SSTR1: variants seen among roughly 807,000 people sequenced by gnomAD.
SSTR1 encodes the protein somatostatin receptor type 1.
In SSTR1, 10 loss-of-function variants were observed where a neutral mutation model predicts 20.7. That is an observed-to-expected ratio of 0.48 (90% CI 0.30 to 0.82). The LOEUF (loss-of-function observed/expected upper bound fraction) is 0.82, where lower values mean the gene tolerates loss of function less well. Ranked by LOEUF, SSTR1 falls within the 40% of genes least tolerant of loss-of-function variation. SSTR1 has a pLI of 0.07. For synonymous variants in SSTR1, 267 were observed against 227.8 expected, an observed-to-expected ratio of 1.17 and a Z score of -1.55; for missense variants, 494 against 540.0, an observed-to-expected ratio of 0.91 and a Z score of 0.84.
rs763266143 is a variant in SSTR1, at chr14:38,210,269, A to C, written c.880A>C (p.Asn294His). 3.7e-6 allele frequency: 6 copies of C among 1,614,146 alleles called. No individual in the cohort carries two copies. In the South Asian group the frequency reaches 5.5e-5, roughly 15 times the overall value. The change falls in exon 3 of 3, where the codon AAC (asparagine) becomes CAC (histidine). Residue 294 changes from asparagine to histidine, a missense_variant. By Grantham distance (68) the Asn-to-His change is moderately conservative. Around this residue, in one of 3 missense-constraint regions of SSTR1, gnomAD observed 280 missense variants for 286.1 expected, o/e 0.98. Coordinates refer to ENST00000267377, the MANE Select transcript of SSTR1 (RefSeq NM_001049.3). Reference protein sequence around the residue: ...WMPFYVVQLVNVFAEQDDATV... With the variant: ...WMPFYVVQLVHVFAEQDDATV... ...GCCTTTCTACGTGGTGCAGCTGGTC[A>C]ACGTGTTTGCTGAGCAGGACGACGC...
Position 38,209,764 on chromosome 14 carries a change from C to T in SSTR1, c.375C>T (p.Phe125=), listed in dbSNP as rs1340536524. The T allele has an allele frequency of 6.2e-7, 1 of 1,613,992 alleles. No individual in the cohort carries two copies. The highest frequency in any genetic ancestry group is 8.5e-7 in the Non-Finnish European group (1 of 1,180,030). ...VTSTLLRHWP[F]GALLCRLVLS... is the part of the protein sequence containing the mutation. The stretch of plus-strand genomic sequence containing the variant: ...CCACGTTGTTGCGCCACTGGCCCTT[C>T]GGTGCGCTGCTCTGCCGCCTCGTGC... The change falls in exon 3 of 3, where the codon TTC becomes TTT. Residue 125 remains phenylalanine, a synonymous_variant. Coordinates refer to ENST00000267377, the MANE Select transcript of SSTR1 (RefSeq NM_001049.3).
chr14:38,212,543 T>C lies in SSTR1; in HGVS notation c.*1978T>C, dbSNP rs150535878. The C allele has an allele frequency of 1.8e-4, 30 of 167,184 alleles. No homozygotes were observed. Among genetic ancestry groups the C allele is most frequent in the African/African-American group, 6.0e-4 (25 of 41,576 alleles). 10.4% of individuals were successfully genotyped at this position (167,184 alleles called of 1,614,324 possible). A position where few individuals can be genotyped will look rare whatever the true frequency, so the allele number is the denominator to read the frequency against. On this transcript the variant is annotated 3_prime_UTR_variant, in exon 3 of 3. Coordinates refer to ENST00000267377, the MANE Select transcript of SSTR1 (RefSeq NM_001049.3). ...AATATTACCAACTACATTGGAAGCCTGAGCAGGGCGAGGACCAATAATTTT... is the reference window on the plus strand; with the variant it reads ...AATATTACCAACTACATTGGAAGCCCGAGCAGGGCGAGGACCAATAATTTT...
In SSTR1 at chr14:38,211,904, G is replaced by A. The variant is rs1883338131; in HGVS notation, c.*1339G>A. 1 of 167,056 alleles carries A rather than the reference G, an allele frequency of 6.0e-6. No homozygotes were observed. The highest frequency in any genetic ancestry group is 2.4e-5 in the African/African-American group (1 of 41,450). The allele number at this position is 167,056 out of a possible 1,614,324, so 10.3% of individuals were successfully genotyped here. A position where few individuals can be genotyped will look rare whatever the true frequency, so the allele number is the denominator to read the frequency against. ...CAGGTCTTTTCTTTGGGACCCTGGG[G>A]GCGGGCATGGAAGTGGAAGTAGGGG... On this transcript the variant is annotated 3_prime_UTR_variant, in exon 3 of 3. Coordinates refer to ENST00000267377, the MANE Select transcript of SSTR1 (RefSeq NM_001049.3).
Position 38,209,984 on chromosome 14 carries a change from G to A in SSTR1, c.595G>A (p.Ala199Thr), listed in dbSNP as rs1316365451. 1.2e-6 allele frequency: 2 copies of A among 1,614,110 alleles called. No homozygotes were observed. Among genetic ancestry groups the A allele is most frequent in the Non-Finnish European group, 1.7e-6 (2 of 1,180,054 alleles). ...GCCCATCGTGGTCTTCTCTCGCACC[G>A]CGGCCAACAGCGACGGCACGGTGGC... ...ILPIVVFSRT[A>T]ANSDGTVACN... Residue 199 changes from alanine (A) to threonine (T), a missense_variant, in exon 3 of 3, where the codon GCG (alanine) becomes ACG (threonine). By Grantham distance (58) the Ala-to-Thr change is moderately conservative. Around this residue, in one of 3 missense-constraint regions of SSTR1, gnomAD observed 280 missense variants for 286.1 expected, o/e 0.98. Coordinates refer to ENST00000267377, the MANE Select transcript of SSTR1 (RefSeq NM_001049.3).
chr14:38,209,929 CG>C lies in SSTR1; in HGVS notation c.541del (p.Val181CysfsTer91), dbSNP rs752296102. On this transcript the variant is annotated frameshift_variant, in exon 3 of 3. Transcript: ENST00000267377. LOFTEE classifies it high-confidence loss of function. Reference sequence around the variant, plus strand: ...CCGTGGCCAAGGTAGTAAACCTGGGCGTGTGGGTGCTATCGCTGCTCGTCAT... The same window carrying C: ...CCGTGGCCAAGGTAGTAAACCTGGGCTGTGGGTGCTATCGCTGCTCGTCAT... ...PTVAKVVNLG[V>X]WVLSLLVILP... is the part of the protein sequence containing the mutation. The C allele has an allele frequency of 2.5e-6, 4 of 1,613,814 alleles. No individual in the cohort carries two copies. The African/African-American group carries it at 5.3e-5, about 22-fold the overall frequency.
rs1359833386 is a variant in SSTR1, at chr14:38,210,736, A to T, written c.*171A>T. Reference sequence around the variant, plus strand: ...TGACAGCCTTTGATGGAGGAACCCAAGAAAGGCGCGCGACAATGGTAGAAG... The same window carrying T: ...TGACAGCCTTTGATGGAGGAACCCATGAAAGGCGCGCGACAATGGTAGAAG... On this transcript the variant is annotated 3_prime_UTR_variant, in exon 3 of 3. Coordinates refer to ENST00000267377, the MANE Select transcript of SSTR1 (RefSeq NM_001049.3). The T allele has an allele frequency of 1.1e-5, 16 of 1,414,792 alleles. No homozygotes were observed. Among genetic ancestry groups the T allele is most frequent in the Non-Finnish European group, 1.3e-5 (14 of 1,075,404 alleles). 87.6% of individuals were successfully genotyped at this position (1,414,792 alleles called of 1,614,324 possible). A position where few individuals can be genotyped will look rare whatever the true frequency, so the allele number is the denominator to read the frequency against.
At position 38,209,965 on chromosome 14, in the gene SSTR1, C is replaced by T; in HGVS notation, c.576C>T (p.Ile192=). ...WVLSLLVILP[I]VVFSRTAANS... is the part of the protein sequence containing the mutation. ...TATCGCTGCTCGTCATCCTGCCCAT[C>T]GTGGTCTTCTCTCGCACCGCGGCCA... The change falls in exon 3 of 3, where the codon ATC becomes ATT. Residue 192 remains isoleucine (I), a synonymous_variant. Transcript: ENST00000267377. 3 of 1,614,114 alleles carry T rather than the reference C, an allele frequency of 1.9e-6. No individual in the cohort carries two copies. Among genetic ancestry groups the T allele is most frequent in the Non-Finnish European group, 2.5e-6 (3 of 1,180,048 alleles).
At position 38,210,886 on chromosome 14, in the gene SSTR1, T is replaced by G; in HGVS notation, c.*321T>G. On this transcript the variant is annotated 3_prime_UTR_variant, in exon 3 of 3. Coordinates refer to ENST00000267377, the MANE Select transcript of SSTR1 (RefSeq NM_001049.3). ...CCTTCTATTTTCCCTACCCTGCAAC[T>G]TCTATCCTTTCTTCCGCACCGTCCC... 2.9e-6 allele frequency: 1 copy of G among 350,360 alleles called. No individual in the cohort carries two copies. The highest frequency in any genetic ancestry group is 5.4e-6 in the Non-Finnish European group (1 of 186,712). The allele number at this position is 350,360 out of a possible 1,614,324, so 21.7% of individuals were successfully genotyped here. A position where few individuals can be genotyped will look rare whatever the true frequency, so the allele number is the denominator to read the frequency against.
chr14:38,208,776 A>G (rs1475355685), intron 2 of SSTR1, among the ~76,000 whole-genome samples, 167 bp downstream of exon 2: 1 of 152,192 alleles, frequency 6.6e-6, no homozygotes. Context: ...ATCCATGTTC[A>G]TGGATCCGTT....
chr14:38,210,019 G>A lies in SSTR1; in HGVS notation c.630G>A (p.Met210Ile). Residue 210 changes from methionine to isoleucine, a missense_variant, in exon 3 of 3, where the codon ATG (methionine) becomes ATA (isoleucine). Around this residue, in one of 3 missense-constraint regions of SSTR1, gnomAD observed 280 missense variants for 286.1 expected, o/e 0.98. Coordinates refer to ENST00000267377, the MANE Select transcript of SSTR1 (RefSeq NM_001049.3). ...ANSDGTVACN[M>I]LMPEPAQRWL... is the part of the protein sequence containing the mutation. ...GCGACGGCACGGTGGCTTGCAACAT[G>A]CTCATGCCAGAGCCCGCTCAACGCT... 1.2e-6 allele frequency: 2 copies of A among 1,614,170 alleles called. No individual in the cohort carries two copies. Among genetic ancestry groups the A allele is most frequent in the East Asian group, 2.2e-5 (1 of 44,866 alleles).
rs1883351532 is a variant in SSTR1 at position 38,212,602 on chromosome 14, C to A, written c.*2037C>A. Reference sequence around the variant, plus strand: ...ATATTTCCTGTATTGCTTTAGTATGCTGGCTTGTACATAGTAGGCACTAAA... The same window carrying A: ...ATATTTCCTGTATTGCTTTAGTATGATGGCTTGTACATAGTAGGCACTAAA... On this transcript the variant is annotated 3_prime_UTR_variant, in exon 3 of 3. Coordinates refer to ENST00000267377, the MANE Select transcript of SSTR1 (RefSeq NM_001049.3). The A allele has an allele frequency of 6.0e-6, 1 of 166,844 alleles. No individual in the cohort carries two copies. Among genetic ancestry groups the A allele is most frequent in the Non-Finnish European group, 1.5e-5 (1 of 68,112 alleles). 10.3% of individuals were successfully genotyped at this position (166,844 alleles called of 1,614,324 possible).
Position 38,210,539 on chromosome 14 carries a change from T to TCTGA in SSTR1, c.1150_1151insCTGA (p.Cys384SerfsTer57). ...CGGCGGCGTCTTCCGTAATGGCACCTGCACGTCCCGGATCACGACGCTCTG... is the reference window on the plus strand; with the variant it reads ...CGGCGGCGTCTTCCGTAATGGCACCTCTGAGCACGTCCCGGATCACGACGCTCTG... On this transcript the variant is annotated frameshift_variant, in exon 3 of 3. Transcript: ENST00000267377. LOFTEE classifies it high-confidence loss of function. The TCTGA allele has an allele frequency of 6.2e-7, 1 of 1,605,870 alleles. No homozygotes were observed.
Position 38,210,101 on chromosome 14 carries a change from G to GCTAT in SSTR1, c.715_718dup (p.Cys240TyrfsTer11), listed in dbSNP as rs760332677. The GCTAT allele has an allele frequency of 1.2e-6, 2 of 1,614,230 alleles. No homozygotes were observed. The highest frequency in any genetic ancestry group is 3.3e-5 in the Admixed American group (2 of 60,036). On this transcript the variant is annotated frameshift_variant, in exon 3 of 3. Coordinates refer to ENST00000267377, the MANE Select transcript of SSTR1 (RefSeq NM_001049.3). LOFTEE classifies it high-confidence loss of function. ...CATGGGCTTCCTGCTGCCCGTGGGG[G>GCTAT]CTATCTGCCTGTGCTACGTGCTCAT...
Position 38,209,549 on chromosome 14 carries a change from G to A in SSTR1, c.160G>A (p.Gly54Ser), listed in dbSNP as rs1238965866. The change falls in exon 3 of 3, where the codon GGC (glycine) becomes AGC (serine). Residue 54 changes from glycine to serine, a missense_variant. Around this residue, in one of 3 missense-constraint regions of SSTR1, gnomAD observed 98 missense variants for 79.3 expected, o/e 1.24. Transcript: ENST00000267377. ...GTCCCAGAACGGGACCTTGAGCGAG[G>A]GCCAGGGCAGCGCCATCCTGATCTC... ...NASQNGTLSEGQGSAILISFI... is the reference protein window; with the variant it reads ...NASQNGTLSESQGSAILISFI... 5.0e-6 allele frequency: 8 copies of A among 1,605,334 alleles called. No individual in the cohort carries two copies. The East Asian group carries it at 9.0e-5, about 18-fold the overall frequency.
In SSTR1 at chr14:38,209,569, G is replaced by C; in HGVS notation, c.180G>C (p.Leu60=). Residue 60 remains leucine (L), a synonymous_variant, in exon 3 of 3, where the codon CTG becomes CTC. Coordinates refer to ENST00000267377, the MANE Select transcript of SSTR1 (RefSeq NM_001049.3). ...TLSEGQGSAI[L]ISFIYSVVCL... ...GCGAGGGCCAGGGCAGCGCCATCCT[G>C]ATCTCTTTCATCTACTCCGTGGTGT... The C allele has an allele frequency of 6.2e-7, 1 of 1,612,052 alleles. No homozygotes were observed. The highest frequency in any genetic ancestry group is 8.5e-7 in the Non-Finnish European group (1 of 1,178,760).
At chr14:38,208,198 G>A (rs1400688261) in intron 1 of SSTR1, 94 bp downstream of exon 1, 1 of 152,268 alleles carries the variant, frequency 6.6e-6, no homozygotes, top group Non-Finnish European at 1.5e-5. Context: ...CCAACACCGC[G>A]CCTGGCACGT....
rs750541151 is a variant in SSTR1 at position 38,210,143 on chromosome 14, A to C, written c.754A>C (p.Met252Leu). The C allele has an allele frequency of 1.2e-6, 2 of 1,614,134 alleles. No individual in the cohort carries two copies. The highest frequency in any genetic ancestry group is 1.3e-5 in the African/African-American group (1 of 74,954). ...CGTGCTCATCATTGCTAAGATGCGC[A>C]TGGTGGCCCTCAAGGCCGGCTGGCA... ...CYVLIIAKMR[M>L]VALKAGWQQR... Residue 252 changes from methionine to leucine, a missense_variant, in exon 3 of 3, where the codon ATG becomes CTG. Physicochemically the swap from Met to Leu is conservative, Grantham distance 15. This residue lies in a region of SSTR1 where 280 missense variants were observed against 286.1 expected (regional missense o/e 0.98). Transcript: ENST00000267377.
Position 38,209,285 on chromosome 14 carries a change from T to G in SSTR1, c.-105T>G, listed in dbSNP as rs979431207. Reference sequence around the variant, plus strand: ...GCTCTACCCGGAGGCGCTGGGCGGCTGTGGGCTGCAGGCAAGCGGTCGGGT... The same window carrying G: ...GCTCTACCCGGAGGCGCTGGGCGGCGGTGGGCTGCAGGCAAGCGGTCGGGT... On this transcript the variant is annotated 5_prime_UTR_variant, in exon 3 of 3. Coordinates refer to ENST00000267377, the MANE Select transcript of SSTR1 (RefSeq NM_001049.3). 8.9e-5 allele frequency: 118 copies of G among 1,328,158 alleles called. No homozygotes were observed. Among genetic ancestry groups the G allele is most frequent in the Non-Finnish European group, 1.1e-4 (116 of 1,029,592 alleles). The allele number at this position is 1,328,158 out of a possible 1,614,324, so 82.3% of individuals were successfully genotyped here.
At chr14:38,209,012 CT>C in intron 2 of SSTR1, 33 bp from the exon 3 acceptor site, 1 of 198,172 alleles carries the variant, frequency 5.0e-6, no homozygotes, top group Non-Finnish European at 1.0e-5. Context: ...ATGTGCTCTC[CT>C]CCCTTTCTCC....
Sources: gnomAD v4.1 joint callset for allele counts (sites outside exome capture counted in the v4.1 genomes callset) on GRCh38, gnomAD v4.1.1 for gene constraint, gnomAD v4.1.1 regional missense constraint, MANE v1.5 for transcripts, NCBI Gene and HGNC (gene_info 2026-07-23, HGNC 2026-07-21) for gene names.